Variants in CHD9 observed in about 807,000 individuals in gnomAD.
The protein encoded by CHD9 is ATP-dependent chromatin remodeler CHD9.
CHD9 carries 77 observed loss-of-function variants against 316.1 expected under a neutral mutation model. That is an observed-to-expected ratio of 0.24 (90% CI 0.20 to 0.29). CHD9 has a LOEUF of 0.29. Ranked by LOEUF, CHD9 falls within the 10% of genes least tolerant of loss-of-function variation. The pLI is 1.00. For missense variants in CHD9, 2,763 were observed against 3,438.1 expected (o/e 0.80, Z 4.91); for synonymous variants, 1,129 against 1,158.3 (o/e 0.97, Z 0.51).
chr16:53,260,128 G>T (rs2050957199), intron 19 of CHD9, among the ~76,000 whole-genome samples: 1 of 152,114 alleles, frequency 6.6e-6, no homozygotes, highest in South Asian at 2.1e-4. Context: ...ATTTTATACA[G>T]CTAATGATAG....
chr16:53,107,912 G>A (rs1597011451), intron 1 of CHD9, among the ~76,000 whole-genome samples: 1 of 152,128 alleles, frequency 6.6e-6, no homozygotes, highest in African/African-American at 2.4e-5. Flanking sequence ...ATATCATGTG[G>A]TGCTAAGTGA....
At chr16:53,255,475 T>G (rs943626800) in intron 18 of CHD9, 125 bp from the exon 19 acceptor site, 4 of 705,082 alleles carry the variant, frequency 5.7e-6, no homozygotes, top group African/African-American at 3.6e-5. Context: ...TTCTCTCTTA[T>G]GCGCATCCCA....
At position 53,208,066 on chromosome 16, in the gene CHD9, G is replaced by A. The variant is rs187081499; in HGVS notation, c.1453-1416G>A. ...GTTGGAATCTGGCTATCTGCTTACA[G>A]CTATTGAGGAAACTCAGCTTTTTAG... On this transcript the variant is annotated intron_variant, in intron 2 of 38. Transcript: ENST00000447540. The A allele has an allele frequency of 7.3e-3, 7,343 of 1,000,450 alleles. 36 individuals are homozygous for A. The highest frequency in any genetic ancestry group is 8.0e-3 in the Non-Finnish European group (6,709 of 837,914). The allele number at this position is 1,000,450 out of a possible 1,614,324, so 62.0% of individuals were successfully genotyped here. A position where few individuals can be genotyped will look rare whatever the true frequency, so the allele number is the denominator to read the frequency against.
chr16:53,320,819 C>A (rs12596238), intron 37 of CHD9, among the ~76,000 whole-genome samples: 47,730 of 151,840 alleles, frequency 0.31, 7,683 homozygotes, highest in Middle Eastern at 0.39. Context: ...AAGATATATA[C>A]AATTTTATAC....
chr16:53,267,813 C>A, intron 21 of CHD9, 114 bp from the exon 22 acceptor site: 1 of 865,332 alleles, frequency 1.2e-6, no homozygotes, highest in Non-Finnish European at 1.8e-6. Flanking sequence ...GTAGGGAAGA[C>A]TTAATTAGCA....
intron 3 of CHD9, among the ~76,000 whole-genome samples, chr16:53,221,657 A>G (rs1156278111): frequency 6.6e-6 from 1 of 152,210 alleles, no homozygotes; most frequent in East Asian, 1.9e-4. Flanking sequence ...ATATCAATAT[A>G]TATATAAACA....
At chr16:53,089,241 G>A (rs999864781) in intron 1 of CHD9, among the ~76,000 whole-genome samples, 2 of 152,102 alleles carry the variant, frequency 1.3e-5, no homozygotes, top group African/African-American at 4.8e-5. Flanking sequence ...AGCTATGATG[G>A]TGCCACTGCA....
chr16:53,084,642 C>T (rs938080153), intron 1 of CHD9, among the ~76,000 whole-genome samples: 3 of 152,148 alleles, frequency 2.0e-5, no homozygotes, highest in Non-Finnish European at 2.9e-5. Flanking sequence ...ACTTGGGAGG[C>T]TGAGGCAGGA....
At chr16:53,112,044 G>GT (rs1322525640) in intron 1 of CHD9, among the ~76,000 whole-genome samples, 1 of 152,204 alleles carries the variant, frequency 6.6e-6, no homozygotes, top group African/African-American at 2.4e-5. Context: ...ATTCCAGCTT[G>GT]TATCAGTGCC....
intron 12 of CHD9, among the ~76,000 whole-genome samples, chr16:53,240,586 ACT>A (rs1284365971): frequency 2.0e-5 from 3 of 152,142 alleles, no homozygotes; most frequent in African/African-American, 4.8e-5. Context: ...TTTAGAATTA[ACT>A]CTTTTAAATA....
At chr16:53,222,383 C>T (rs528609547) in intron 3 of CHD9, among the ~76,000 whole-genome samples, 1 of 152,076 alleles carries the variant, frequency 6.6e-6, no homozygotes, top group Non-Finnish European at 1.5e-5. Context: ...ACTTGACTGC[C>T]TTTCTGTGTT....
intron 3 of CHD9, among the ~76,000 whole-genome samples, chr16:53,217,398 CAT>C (rs1193406272): frequency 1.4e-4 from 21 of 152,168 alleles, no homozygotes; most frequent in Admixed American, 3.9e-4. Flanking sequence ...GGATCACAGA[CAT>C]GTGCCATCAC....
intron 2 of CHD9, among the ~76,000 whole-genome samples, chr16:53,181,737 A>G (rs1260846961): frequency 6.6e-6 from 1 of 152,218 alleles, no homozygotes; most frequent in East Asian, 1.9e-4. Flanking sequence ...TTTAGTTGAT[A>G]GTAATAATCC....
rs577809006 is a variant in CHD9 at position 53,160,091 on chromosome 16, C to T, written c.1452+2550C>T. On this transcript the variant is annotated intron_variant, in intron 2 of 38. Transcript: ENST00000447540. ...AGGAAGATCAAGCATCTCAGAAGGA[C>T]CCTGGGAAAACTCTCCACTGATTGA... is the stretch of plus-strand genomic sequence containing the variant. Among the ~76,000 whole-genome samples the T allele has an allele frequency of 4.6e-5, 7 of 152,256 alleles. No homozygotes were observed. The East Asian group carries it at 1.2e-3, about 25-fold the overall frequency.
chr16:53,143,360 T>TTATTTATC (rs2040283152), intron 1 of CHD9, among the ~76,000 whole-genome samples: 2 of 62,334 alleles, frequency 3.2e-5, no homozygotes. Context: ...TTATCTTATT[T>TTATTTATC]TATTTATTTA....
At chr16:53,322,442 A>G (rs2057338002) in intron 38 of CHD9, among the ~76,000 whole-genome samples, 1 of 151,872 alleles carries the variant, frequency 6.6e-6, no homozygotes, top group African/African-American at 2.4e-5. Context: ...CCCCGTCTCT[A>G]CTAAAAATAC....
In CHD9 at chr16:53,283,204, C is replaced by T. The variant is rs578192051; in HGVS notation, c.4968-2392C>T. Among the ~76,000 whole-genome samples the T allele has an allele frequency of 2.0e-5, 3 of 152,328 alleles. No homozygotes were observed. The South Asian group carries it at 6.2e-4, about 32-fold the overall frequency. On this transcript the variant is annotated intron_variant, in intron 24 of 38. Transcript: ENST00000447540. ...GGCACATAACCAGAGTACCCTGCCA[C>T]AGCACTCATCACACAGTATTGCATG...
intron 2 of CHD9, among the ~76,000 whole-genome samples, chr16:53,171,074 G>T (rs564972738): frequency 2.6e-4 from 39 of 152,182 alleles, no homozygotes; most frequent in African/African-American, 8.9e-4. Flanking sequence ...TTATGCTTTT[G>T]TGTTTCTCCT....
At chr16:53,232,471 CTTAA>C (rs1275099412) in intron 10 of CHD9, among the ~76,000 whole-genome samples, 2 of 152,236 alleles carry the variant, frequency 1.3e-5, no homozygotes, top group African/African-American at 4.8e-5. Flanking sequence ...AATTAATCCC[CTTAA>C]TTAATGTAAA....
Sources: allele counts gnomAD v4.1 joint callset (sites outside exome capture counted in the v4.1 genomes callset), GRCh38; gene constraint gnomAD v4.1.1; transcripts MANE v1.5; gene names NCBI Gene and HGNC (gene_info 2026-07-23, HGNC 2026-07-21).